PTPRD: variants seen among roughly 807,000 people sequenced by gnomAD.
The protein encoded by PTPRD is protein tyrosine phosphatase receptor type D.
Under a neutral mutation model 214.5 loss-of-function variants are expected in PTPRD, and 34 were observed. The ratio of observed to expected loss-of-function variants is 0.16; its 90% CI spans 0.12 to 0.21. The LOEUF is 0.21. Ranked by LOEUF, PTPRD falls within the 10% of genes least tolerant of loss-of-function variation. PTPRD has a pLI of 1.00. For synonymous variants in PTPRD, 1,128 were observed against 845.7 expected (o/e 1.33, Z -5.79); for missense variants, 2,545 against 2,398.7 (o/e 1.06, Z -1.27).
chr9:8,778,880 T>A (rs1226855035), intron 11 of PTPRD, among the ~76,000 whole-genome samples: 2 of 152,188 alleles, frequency 1.3e-5, no homozygotes, highest in African/African-American at 4.8e-5. Flanking sequence ...GTAAAGAATT[T>A]ACCACACTGC....
chr9:9,613,944 G>A (rs1593063143), intron 7 of PTPRD, among the ~76,000 whole-genome samples: 2 of 152,086 alleles, frequency 1.3e-5, no homozygotes, highest in South Asian at 4.1e-4. Flanking sequence ...AATCCCAGCT[G>A]TTCAGCTTTT....
At chr9:9,390,934 T>C (rs1396137854) in intron 9 of PTPRD, among the ~76,000 whole-genome samples, 5 of 152,170 alleles carry the variant, frequency 3.3e-5, no homozygotes, top group Non-Finnish European at 5.9e-5. Context: ...GATAACAAGA[T>C]TGGATTTCTA....
At chr9:8,769,967 C>T (rs569252401) in intron 11 of PTPRD, among the ~76,000 whole-genome samples, 2 of 152,134 alleles carry the variant, frequency 1.3e-5, no homozygotes, top group South Asian at 2.1e-4. Flanking sequence ...GCTAAGACAG[C>T]TATGAGTGAA....
chr9:9,596,020 T>C (rs529431123), intron 7 of PTPRD, among the ~76,000 whole-genome samples: 2 of 152,194 alleles, frequency 1.3e-5, no homozygotes, highest in African/African-American at 4.8e-5. Context: ...TTGAAGTTTG[T>C]GTGATCTCAT....
chr9:8,441,965 C>T (rs2095561616), intron 34 of PTPRD, among the ~76,000 whole-genome samples: 1 of 152,134 alleles, frequency 6.6e-6, no homozygotes, highest in African/African-American at 2.4e-5. Context: ...GTCTTTAAGA[C>T]TGTTTGGGCT....
intron 3 of PTPRD, among the ~76,000 whole-genome samples, chr9:10,127,320 T>C (rs947674053): frequency 5.3e-5 from 8 of 152,194 alleles, no homozygotes; most frequent in Non-Finnish European, 7.4e-5. Flanking sequence ...TGTCTTTCCA[T>C]TATCTCAAAA....
chr9:10,550,122 C>T lies in PTPRD; in HGVS notation c.-600+62276G>A, dbSNP rs1255361364. 7.2e-5 allele frequency among the ~76,000 whole-genome samples: 11 copies of T among 152,152 alleles called. 1 individual carries two copies. The highest frequency in any genetic ancestry group is 2.4e-4 in the African/African-American group (10 of 41,440). On this transcript the variant is annotated intron_variant, in intron 2 of 45. Coordinates refer to ENST00000381196, the MANE Select transcript of PTPRD (RefSeq NM_002839.4). ...TTAAGGGACTGTCTGATTACAAATG[C>T]AAATGCAAAGCTGCTCCTGACAATA... is the stretch of plus-strand genomic sequence containing the variant.
At chr9:9,436,639 T>C (rs1436188985) in intron 8 of PTPRD, among the ~76,000 whole-genome samples, 1 of 150,024 alleles carries the variant, frequency 6.7e-6, no homozygotes, top group Admixed American at 6.6e-5. Context: ...TATGTGTCAT[T>C]GTTCCCTCAT....
Position 8,353,864 on chromosome 9 carries a change from A to ATGTATATATGTATATATG in PTPRD, c.4662-11904_4662-11887dup, listed in dbSNP as rs1564200646. 1.2e-3 allele frequency among the ~76,000 whole-genome samples: 124 copies of ATGTATATATGTATATATG among 102,862 alleles called. 2 individuals carry two copies. The highest frequency in any genetic ancestry group is 4.3e-3 in the African/African-American group (83 of 19,498). The allele number at this position is 102,862 out of a possible 152,430, so 67.5% of individuals were successfully genotyped here. A position where few individuals can be genotyped will look rare whatever the true frequency, so the allele number is the denominator to read the frequency against. On this transcript the variant is annotated intron_variant, in intron 39 of 45. Coordinates refer to ENST00000381196, the MANE Select transcript of PTPRD (RefSeq NM_002839.4). ...TGTATATATGTATATATGTGTATAT[A>ATGTATATATGTATATATG]TGTATATATGTATATATGTGTATAT...
At chr9:8,370,459 C>T (rs1446930082) in intron 39 of PTPRD, among the ~76,000 whole-genome samples, 1 of 152,028 alleles carries the variant, frequency 6.6e-6, no homozygotes, top group Non-Finnish European at 1.5e-5. Context: ...GTGCGGAATG[C>T]TCTTTGCAAG....
chr9:9,414,133 C>T (rs1486041664), intron 8 of PTPRD, among the ~76,000 whole-genome samples: 1 of 152,214 alleles, frequency 6.6e-6, no homozygotes, highest in Non-Finnish European at 1.5e-5. Flanking sequence ...CCAAACTCTT[C>T]AATTATCTTT....
At chr9:10,013,830 G>A (rs779034475) in intron 4 of PTPRD, among the ~76,000 whole-genome samples, 1 of 151,850 alleles carries the variant, frequency 6.6e-6, no homozygotes, top group Non-Finnish European at 1.5e-5. Context: ...TAATGTTCTA[G>A]AATTTGATAT....
chr9:10,439,842 T>G (rs2098747340), intron 2 of PTPRD, among the ~76,000 whole-genome samples: 1 of 151,712 alleles, frequency 6.6e-6, no homozygotes, highest in Admixed American at 6.6e-5. Flanking sequence ...TTAAATAATG[T>G]TTCTTGTTGA....
chr9:9,372,014 A>C (rs1266092489), intron 9 of PTPRD, among the ~76,000 whole-genome samples: 1 of 152,166 alleles, frequency 6.6e-6, no homozygotes, highest in Non-Finnish European at 1.5e-5. Flanking sequence ...ACATTTGCTG[A>C]GGATTGCTTT....
chr9:10,506,028 A>G (rs10217547), intron 2 of PTPRD, among the ~76,000 whole-genome samples: 38,275 of 151,998 alleles, frequency 0.25, 5,103 homozygotes, highest in Middle Eastern at 0.32. Context: ...GTGAACATAA[A>G]TATCATTGAA....
At chr9:9,339,336 AT>A (rs397894414) in intron 9 of PTPRD, among the ~76,000 whole-genome samples, 2 of 151,058 alleles carry the variant, frequency 1.3e-5, no homozygotes, top group African/African-American at 4.9e-5. Flanking sequence ...AAAAAAAAAA[AT>A]TAGCCAGGCA....
intron 9 of PTPRD, among the ~76,000 whole-genome samples, chr9:9,346,597 C>T (rs62532881): frequency 4.6e-5 from 7 of 152,036 alleles, no homozygotes; most frequent in Non-Finnish European, 7.4e-5. Context: ...CTTAAACATA[C>T]GGATGTATAT....
At chr9:8,658,732 G>A (rs1057480478) in intron 12 of PTPRD, among the ~76,000 whole-genome samples, 24 of 142,346 alleles carry the variant, frequency 1.7e-4, no homozygotes, top group African/African-American at 6.1e-4. Context: ...TCCTTTTTTT[G>A]TATCTAGATG....
intron 9 of PTPRD, among the ~76,000 whole-genome samples, chr9:9,216,660 G>A (rs577412230): frequency 1.3e-5 from 2 of 152,030 alleles, no homozygotes; most frequent in South Asian, 2.1e-4. Context: ...CTTCAGCTTG[G>A]GTCTAGAAAG....
Sources: allele counts gnomAD v4.1 joint callset (sites outside exome capture counted in the v4.1 genomes callset), GRCh38; gene constraint gnomAD v4.1.1; transcripts MANE v1.5; gene names NCBI Gene and HGNC (gene_info 2026-07-23, HGNC 2026-07-21).